MDGA2: variants seen among roughly 807,000 people sequenced by gnomAD.
The protein encoded by MDGA2 is MAM domain containing glycosylphosphatidylinositol anchor 2.
MDGA2 carries 40 observed loss-of-function variants against 117.8 expected under a neutral mutation model. That is an observed-to-expected ratio of 0.34 (90% CI 0.26 to 0.44). The LOEUF is 0.44. Ranked by LOEUF, MDGA2 falls within the 20% of genes least tolerant of loss-of-function variation. The pLI, the probability that MDGA2 is intolerant of heterozygous loss-of-function variation, is 1.00. For synonymous variants in MDGA2, 452 were observed against 439.0 expected (o/e 1.03, Z -0.37); for missense variants, 1,123 against 1,250.6 (o/e 0.90, Z 1.54).
chr14:47,030,312 C>T (rs1012455700), intron 8 of MDGA2, among the ~76,000 whole-genome samples: 3 of 151,720 alleles, frequency 2.0e-5, no homozygotes, highest in South Asian at 2.1e-4. Context: ...GTCAGGAGTT[C>T]GAGACTAGCC....
intron 2 of MDGA2, among the ~76,000 whole-genome samples, chr14:47,289,088 C>T (rs1289923170): frequency 6.6e-6 from 1 of 151,886 alleles, no homozygotes; most frequent in Admixed American, 6.6e-5. Flanking sequence ...CTGAAACCTC[C>T]TTTAAAGTCA....
intron 11 of MDGA2, among the ~76,000 whole-genome samples, chr14:46,881,150 T>C (rs1882443856): frequency 6.6e-6 from 1 of 151,896 alleles, no homozygotes; most frequent in South Asian, 2.1e-4. Flanking sequence ...ATAAATAAAC[T>C]GGTACATTTA....
chr14:47,531,322 T>TAAC (rs1895095597), intron 1 of MDGA2, among the ~76,000 whole-genome samples: 1 of 152,174 alleles, frequency 6.6e-6, no homozygotes, highest in Non-Finnish European at 1.5e-5. Context: ...GATCTGGTAT[T>TAAC]TCTCCTTTAG....
intron 6 of MDGA2, among the ~76,000 whole-genome samples, chr14:47,072,370 T>G (rs1205768758): frequency 1.3e-5 from 2 of 152,218 alleles, no homozygotes; most frequent in Non-Finnish European, 2.9e-5. Context: ...TTCAATTGTT[T>G]GCATTTCTTA....
At chr14:46,972,715 T>C (rs1886316600) in intron 8 of MDGA2, among the ~76,000 whole-genome samples, 1 of 152,060 alleles carries the variant, frequency 6.6e-6, no homozygotes, top group African/African-American at 2.4e-5. Flanking sequence ...TTGGGCTTGG[T>C]GATAGCTTTT....
At chr14:47,143,785 T>C (rs1323313595) in intron 4 of MDGA2, among the ~76,000 whole-genome samples, 2 of 152,030 alleles carry the variant, frequency 1.3e-5, no homozygotes, top group African/African-American at 4.8e-5. Flanking sequence ...GCTAGCAAAA[T>C]GTATAACTAT....
At chr14:47,445,545 G>A (rs1893103761) in intron 1 of MDGA2, among the ~76,000 whole-genome samples, 1 of 151,912 alleles carries the variant, frequency 6.6e-6, no homozygotes, top group Non-Finnish European at 1.5e-5. Flanking sequence ...TTTAATTTGT[G>A]AGTTCATGTT....
chr14:46,846,123 T>G (rs554455356), intron 15 of MDGA2, among the ~76,000 whole-genome samples: 182 of 151,042 alleles, frequency 1.2e-3, no homozygotes, highest in African/African-American at 4.3e-3. Flanking sequence ...TAAACTTAAT[T>G]AAATAATACA....
chr14:47,089,095 T>C (rs547343768), intron 6 of MDGA2, among the ~76,000 whole-genome samples: 163 of 152,278 alleles, frequency 1.1e-3, no homozygotes, highest in Middle Eastern at 0.01. Context: ...TGAGATTTTT[T>C]TTTCCTGAGT....
At chr14:47,529,341 T>A (rs1895044939) in intron 1 of MDGA2, among the ~76,000 whole-genome samples, 1 of 152,202 alleles carries the variant, frequency 6.6e-6, no homozygotes, top group Non-Finnish European at 1.5e-5. Context: ...CTTTTTAAAT[T>A]TATTTTTAAT....
chr14:46,938,641 G>A (rs1247614183), intron 9 of MDGA2, among the ~76,000 whole-genome samples: 1 of 151,306 alleles, frequency 6.6e-6, no homozygotes, highest in African/African-American at 2.4e-5. Context: ...TTGCAAGAAA[G>A]GGGAACTCAA....
intron 1 of MDGA2, chr14:47,343,107 C>A: frequency 1.6e-6 from 2 of 1,247,998 alleles, no homozygotes; most frequent in Non-Finnish European, 2.1e-6. Flanking sequence ...CCTTGAATAA[C>A]CAGATGCTCG....
intron 8 of MDGA2, among the ~76,000 whole-genome samples, chr14:46,977,737 A>C (rs745421428): frequency 2.0e-5 from 3 of 151,934 alleles, no homozygotes; most frequent in African/African-American, 7.2e-5. Context: ...GATCAATAAC[A>C]TGGTAGTAAA....
intron 3 of MDGA2, among the ~76,000 whole-genome samples, chr14:47,151,572 T>C (rs1324508985): frequency 6.6e-6 from 1 of 152,152 alleles, no homozygotes; most frequent in Non-Finnish European, 1.5e-5. Context: ...AACTCTCTTC[T>C]GTTATTGTTA....
chr14:47,458,540 A>G (rs1360149133), intron 1 of MDGA2, among the ~76,000 whole-genome samples: 1 of 152,166 alleles, frequency 6.6e-6, no homozygotes, highest in Non-Finnish European at 1.5e-5. Flanking sequence ...GAAGGGGTAC[A>G]AAGTTTCAGT....
At chr14:47,328,760 A>T (rs1273826080) in intron 1 of MDGA2, among the ~76,000 whole-genome samples, 23 of 152,172 alleles carry the variant, frequency 1.5e-4, no homozygotes, top group Admixed American at 1.5e-3. Context: ...TATAAATATG[A>T]GACAACGAAG....
chr14:46,910,003 A>T (rs1283219107), intron 10 of MDGA2, among the ~76,000 whole-genome samples: 1 of 152,162 alleles, frequency 6.6e-6, no homozygotes, highest in African/African-American at 2.4e-5. Flanking sequence ...TTTCCTTGAA[A>T]ATATTCCATT....
At chr14:47,507,474 A>G (rs1432929876) in intron 1 of MDGA2, among the ~76,000 whole-genome samples, 1 of 152,200 alleles carries the variant, frequency 6.6e-6, no homozygotes, top group East Asian at 1.9e-4. Context: ...TGTACAAAAC[A>G]GACCAGACCT....
At chr14:46,929,600 T>TATATATATATATA (rs1595050909) in intron 9 of MDGA2, among the ~76,000 whole-genome samples, 1 of 28,712 alleles carries the variant, frequency 3.5e-5, no homozygotes, top group East Asian at 1.0e-3. Context: ...TGTGTGTGTG[T>TATATATATATATA]GTATATATAT....
Sources: allele counts gnomAD v4.1 joint callset (sites outside exome capture counted in the v4.1 genomes callset), GRCh38; gene constraint gnomAD v4.1.1; transcripts MANE v1.5; gene names NCBI Gene and HGNC (gene_info 2026-07-23, HGNC 2026-07-21).